The following MEGF10 variants were observed in gnomAD, a reference collection of about 807,000 sequenced individuals.
The protein encoded by MEGF10 is multiple EGF like domains 10, also known as multiple epidermal growth factor-like domains protein 10.
MEGF10 carries 86 observed loss-of-function variants against 147.5 expected under a neutral mutation model. That is an observed-to-expected ratio of 0.58 (90% CI 0.49 to 0.70). The LOEUF is 0.70. Ranked by LOEUF, MEGF10 falls within the 30% of genes least tolerant of loss-of-function variation. The probability of loss-of-function intolerance (pLI) is 0.00; values close to 1 mark genes in which losing one functional copy is unlikely to be tolerated. For synonymous variants in MEGF10, 478 were observed against 525.5 expected, an observed-to-expected ratio of 0.91 and a Z score of 1.24; for missense variants, 1,329 against 1,487.3, an observed-to-expected ratio of 0.89 and a Z score of 1.75.
chr5:127,441,913 T>C (rs1204192689), intron 18 of MEGF10, among the ~76,000 whole-genome samples: 1 of 152,198 alleles, frequency 6.6e-6, no homozygotes, highest in East Asian at 1.9e-4. Context: ...CTAGCAAATA[T>C]AACAAAAGTG....
chr5:127,424,209 C>T (rs936217721), intron 13 of MEGF10: 11 of 608,420 alleles, frequency 1.8e-5, no homozygotes, highest in South Asian at 4.1e-5. Flanking sequence ...TTTCTGGACT[C>T]CGTATTTCAT....
At position 127,445,556 on chromosome 5, in the gene MEGF10, T is replaced by C. The variant is rs1162920075; in HGVS notation, c.2591T>C (p.Ile864Thr). The change falls in exon 20 of 25, where the codon ATT becomes ACT. Residue 864 changes from isoleucine to threonine, a missense_variant. This residue lies in a region of MEGF10 where 343 missense variants were observed against 377.9 expected (regional missense o/e 0.91). Transcript: ENST00000503335. ...YQIGAIAGII[I>T]LVLVVLFLLA... is the part of the protein sequence containing the mutation. ...ATCGGGGCCATTGCAGGCATCATCA[T>C]TCTTGTCCTAGTTGTTCTCTTCCTA... The C allele has an allele frequency of 6.2e-7, 1 of 1,614,016 alleles. No individual in the cohort carries two copies. Among genetic ancestry groups the C allele is most frequent in the Non-Finnish European group, 8.5e-7 (1 of 1,180,016 alleles).
At chr5:127,454,989 G>A (rs1004743230) in intron 23 of MEGF10, among the ~76,000 whole-genome samples, 1 of 152,196 alleles carries the variant, frequency 6.6e-6, no homozygotes, top group Non-Finnish European at 1.5e-5. Context: ...ATGATTAGAT[G>A]CCTAGTACAG....
At chr5:127,390,600 T>C (rs191168351) in intron 5 of MEGF10, among the ~76,000 whole-genome samples, 151 of 152,284 alleles carry the variant, frequency 9.9e-4, no homozygotes, top group South Asian at 2.1e-3. Flanking sequence ...CTTTTTAAAA[T>C]CTACTTTTTA....
intron 4 of MEGF10, among the ~76,000 whole-genome samples, chr5:127,366,295 C>G (rs997397459): frequency 6.6e-6 from 1 of 152,100 alleles, no homozygotes; most frequent in Admixed American, 6.6e-5. Context: ...TCTTTTCCAT[C>G]TTTGACGAGG....
the MEGF10 span, among the ~76,000 whole-genome samples, chr5:127,266,212 T>C: frequency 5.8e-4 from 88 of 152,010 alleles, no homozygotes; most frequent in Admixed American, 2.2e-3. Context: ...CAAAGGTTTG[T>C]CAAAGATCAA....
the MEGF10 span, among the ~76,000 whole-genome samples, chr5:127,232,516 G>A: frequency 9.2e-5 from 14 of 152,314 alleles, no homozygotes; most frequent in Non-Finnish European, 1.9e-4. Context: ...GGCATATGGT[G>A]TTATGCTAGG....
At chr5:127,291,414 G>C (rs1759251296) in intron 1 of MEGF10, among the ~76,000 whole-genome samples, 1 of 152,206 alleles carries the variant, frequency 6.6e-6, no homozygotes, top group South Asian at 2.1e-4. Flanking sequence ...GAATCGGACT[G>C]AGCTTGAAAG....
intron 5 of MEGF10, among the ~76,000 whole-genome samples, chr5:127,389,135 A>T (rs1376323925): frequency 6.6e-6 from 1 of 152,204 alleles, no homozygotes; most frequent in Non-Finnish European, 1.5e-5. Flanking sequence ...TTGAGTACTG[A>T]TGCCACCACT....
At chr5:127,331,183 C>T in intron 1 of MEGF10, 108 bp from the exon 2 acceptor site, 1 of 620,814 alleles carries the variant, frequency 1.6e-6, no homozygotes, top group East Asian at 2.8e-5. Context: ...GCTTGTTATG[C>T]ACATTTCAGC....
chr5:127,298,146 T>C (rs978649116), intron 1 of MEGF10, among the ~76,000 whole-genome samples: 1 of 152,188 alleles, frequency 6.6e-6, no homozygotes. Flanking sequence ...ATCCTTGCTT[T>C]CTAACAGTTC....
Position 127,410,578 on chromosome 5 carries a change from C to T in MEGF10, c.1107C>T (p.Pro369=). The part of the protein sequence containing the change: ...LYGIKCDKRC[P]CHLENTHSCH... ...GCATCAAATGTGACAAACGGTGTCC[C>T]TGCCACCTGGAAAACACTCATAGGT... Residue 369 remains proline, a synonymous_variant, in exon 9 of 25, where the codon CCC becomes CCT. Transcript: ENST00000503335. 1 of 1,609,540 alleles carries T rather than the reference C, an allele frequency of 6.2e-7. No individual in the cohort carries two copies. Among genetic ancestry groups the T allele is most frequent in the South Asian group, 1.1e-5 (1 of 90,826 alleles).
chr5:127,233,671 A>G, the MEGF10 span, among the ~76,000 whole-genome samples: 1 of 152,240 alleles, frequency 6.6e-6, no homozygotes, highest in African/African-American at 2.4e-5. Flanking sequence ...TAGATTAAGA[A>G]TGGAAAGAAA....
chr5:127,367,284 A>C (rs1327125816), intron 4 of MEGF10, among the ~76,000 whole-genome samples: 1 of 152,182 alleles, frequency 6.6e-6, no homozygotes, highest in African/African-American at 2.4e-5. Context: ...TGTCCATAGA[A>C]TACTGGAAAT....
chr5:127,372,567 C>A (rs955360042), intron 5 of MEGF10, among the ~76,000 whole-genome samples: 1 of 152,200 alleles, frequency 6.6e-6, no homozygotes, highest in Admixed American at 6.5e-5. Flanking sequence ...GTCATGTCTC[C>A]CCTGTCTTCT....
the MEGF10 span, among the ~76,000 whole-genome samples, chr5:127,267,513 G>A: frequency 2.0e-5 from 3 of 152,154 alleles, no homozygotes; most frequent in African/African-American, 4.8e-5. Flanking sequence ...GCTCCTCCTT[G>A]TACCTCTGGT....
At chr5:127,315,480 A>G (rs1425972020) in intron 1 of MEGF10, among the ~76,000 whole-genome samples, 1 of 152,158 alleles carries the variant, frequency 6.6e-6, no homozygotes, top group Non-Finnish European at 1.5e-5. Context: ...TAAAACTTAA[A>G]AATATATGAA....
In MEGF10 at chr5:127,396,624, T is replaced by C. The variant is rs1223549168; in HGVS notation, c.505T>C (p.Cys169Arg). Residue 169 changes from cysteine to arginine, a missense_variant, in exon 6 of 25, where the codon TGT becomes CGT. Coordinates refer to ENST00000503335, the MANE Select transcript of MEGF10 (RefSeq NM_001256545.2). The stretch of plus-strand genomic sequence containing the variant: ...CAACCCCATCACCGGGGCTTGCCAC[T>C]GTGCTGCGGGCTTCCGGGGCTGGCG... ...LCNPITGACH[C>R]AAGFRGWRCE... 6.2e-7 allele frequency: 1 copy of C among 1,613,812 alleles called. No homozygotes were observed. The highest frequency in any genetic ancestry group is 1.1e-5 in the South Asian group (1 of 91,054).
At chr5:127,425,610 A>C (rs1380775141) in intron 13 of MEGF10, among the ~76,000 whole-genome samples, 1 of 152,154 alleles carries the variant, frequency 6.6e-6, no homozygotes, top group East Asian at 1.9e-4. Flanking sequence ...TTGGACCAAG[A>C]ATTGGCTTAT....
Sources: gnomAD v4.1 joint callset for allele counts (sites outside exome capture counted in the v4.1 genomes callset) on GRCh38, gnomAD v4.1.1 for gene constraint, gnomAD v4.1.1 regional missense constraint, MANE v1.5 for transcripts, NCBI Gene and HGNC (gene_info 2026-07-23, HGNC 2026-07-21) for gene names.